Variants in HPSE2 observed in about 807,000 individuals in gnomAD.
HPSE2 encodes heparanase 2 (inactive), also known as inactive heparanase-2.
HPSE2 carries 38 observed loss-of-function variants against 60.5 expected under a neutral mutation model. The ratio of observed to expected loss-of-function variants is 0.63; its 90% CI spans 0.48 to 0.82. HPSE2 has a LOEUF of 0.82. Ranked by LOEUF, HPSE2 falls within the 40% of genes least tolerant of loss-of-function variation. The pLI, the probability that HPSE2 is intolerant of heterozygous loss-of-function variation, is 0.00. For missense variants in HPSE2, 713 were observed against 740.4 expected (o/e 0.96, Z 0.43); for synonymous variants, 295 against 293.2 (o/e 1.01, Z -0.06).
At chr10:99,132,865 T>C (rs11189985) in intron 3 of HPSE2, among the ~76,000 whole-genome samples, 77,448 of 151,936 alleles carry the variant, frequency 0.51, 21,533 homozygotes, top group East Asian at 0.65. Flanking sequence ...ACCCCAATGG[T>C]GCCTGAAACG....
the HPSE2 span, among the ~76,000 whole-genome samples, chr10:99,303,999 T>G: frequency 6.6e-6 from 1 of 152,162 alleles, no homozygotes; most frequent in East Asian, 1.9e-4. Context: ...AGATTAGGCA[T>G]CCAGAGATTT....
At chr10:98,802,134 T>C (rs982224401) in intron 3 of HPSE2, among the ~76,000 whole-genome samples, 1 of 152,068 alleles carries the variant, frequency 6.6e-6, no homozygotes, top group African/African-American at 2.4e-5. Context: ...TATGCATATA[T>C]AGAGGAATAA....
Position 98,503,667 on chromosome 10 carries a change from T to C in HPSE2, c.1321-13471A>G, listed in dbSNP as rs574970043. 9.8e-5 allele frequency among the ~76,000 whole-genome samples: 15 copies of C among 152,334 alleles called. 1 individual carries two copies. The South Asian group carries it at 2.7e-3, about 27-fold the overall frequency. On this transcript the variant is annotated intron_variant, in intron 9 of 11. Coordinates refer to ENST00000370552, the MANE Select transcript of HPSE2 (RefSeq NM_021828.5). ...AAGAAACTGTGGTATATTTATACAA[T>C]GGAATGCTACTCAGCCATAAAAAGG...
intron 2 of HPSE2, among the ~76,000 whole-genome samples, chr10:99,213,059 G>A (rs1849002217): frequency 6.6e-6 from 1 of 152,122 alleles, no homozygotes; most frequent in African/African-American, 2.4e-5. Flanking sequence ...AAGGTAGAGT[G>A]AGAAATACCA....
intron 3 of HPSE2, among the ~76,000 whole-genome samples, chr10:98,789,780 G>C (rs1950617671): frequency 6.6e-6 from 1 of 152,032 alleles, no homozygotes; most frequent in African/African-American, 2.4e-5. Context: ...CCACAAATGG[G>C]GAAAAGAAGG....
chr10:99,036,692 C>T (rs7900854), intron 3 of HPSE2, among the ~76,000 whole-genome samples: 75,340 of 152,012 alleles, frequency 0.5, 20,933 homozygotes, highest in East Asian at 0.62. Flanking sequence ...TCCACAAATG[C>T]ATGCTTAAAT....
At chr10:98,614,791 G>T in intron 9 of HPSE2, 113 bp downstream of exon 9, 1 of 808,306 alleles carries the variant, frequency 1.2e-6, no homozygotes, top group Non-Finnish European at 2.2e-6. Flanking sequence ...TTCAATGAAT[G>T]AAATTAACTG....
chr10:98,959,358 G>GA (rs540992148), intron 3 of HPSE2, among the ~76,000 whole-genome samples: 1,437 of 77,090 alleles, frequency 0.019, 15 homozygotes, highest in South Asian at 0.033. Context: ...ACTATCTCTG[G>GA]AAAAAAAAAA....
At chr10:99,016,319 G>A (rs1957140565) in intron 3 of HPSE2, among the ~76,000 whole-genome samples, 1 of 152,018 alleles carries the variant, frequency 6.6e-6, no homozygotes, top group African/African-American at 2.4e-5. Context: ...TTTTTATCAG[G>A]TTTGTCGAAG....
At chr10:98,993,844 T>C (rs1394672683) in intron 3 of HPSE2, among the ~76,000 whole-genome samples, 1 of 152,206 alleles carries the variant, frequency 6.6e-6, no homozygotes, top group African/African-American at 2.4e-5. Context: ...TTTCATAATT[T>C]TGAAGTATAG....
At chr10:99,007,046 T>G (rs539862675) in intron 3 of HPSE2, among the ~76,000 whole-genome samples, 1 of 151,660 alleles carries the variant, frequency 6.6e-6, no homozygotes, top group East Asian at 2.0e-4. Context: ...TAGAGGCCAA[T>G]CTGGTGCTGG....
At chr10:98,764,035 C>T (rs894851330) in intron 3 of HPSE2, among the ~76,000 whole-genome samples, 3 of 152,040 alleles carry the variant, frequency 2.0e-5, no homozygotes, top group Non-Finnish European at 4.4e-5. Context: ...TGTAATACAT[C>T]AAACAACTAT....
chr10:98,915,152 T>A (rs1398088865), intron 3 of HPSE2, among the ~76,000 whole-genome samples: 4 of 141,306 alleles, frequency 2.8e-5, no homozygotes, highest in East Asian at 2.0e-4. Context: ...TAAATTTTCC[T>A]TTTTTTTTTT....
At chr10:98,820,366 A>G (rs17470570) in intron 3 of HPSE2, among the ~76,000 whole-genome samples, 6,486 of 152,274 alleles carry the variant, frequency 0.043, 197 homozygotes, top group Non-Finnish European at 0.07. Context: ...GATACATGAT[A>G]TAAAACCAAG....
At chr10:99,212,734 G>A (rs949504175) in intron 2 of HPSE2, among the ~76,000 whole-genome samples, 3 of 151,994 alleles carry the variant, frequency 2.0e-5, no homozygotes, top group South Asian at 2.1e-4. Flanking sequence ...TAATGACTAC[G>A]GTTAGTAACA....
chr10:98,559,220 G>T (rs996169629), intron 9 of HPSE2, among the ~76,000 whole-genome samples: 2 of 152,134 alleles, frequency 1.3e-5, no homozygotes, highest in Admixed American at 6.5e-5. Context: ...TAGAGATGGG[G>T]TTTCACCATG....
At chr10:98,498,468 C>A (rs1264843570) in intron 9 of HPSE2, among the ~76,000 whole-genome samples, 1 of 152,156 alleles carries the variant, frequency 6.6e-6, no homozygotes, top group East Asian at 1.9e-4. Flanking sequence ...CAAGGGAACA[C>A]CCCATGGGAC....
chr10:98,724,269 G>A (rs2134260126), intron 4 of HPSE2, among the ~76,000 whole-genome samples: 1 of 152,194 alleles, frequency 6.6e-6, no homozygotes, highest in African/African-American at 2.4e-5. Context: ...ATGTAGTTGA[G>A]CGGTTTTGAG....
intron 6 of HPSE2, among the ~76,000 whole-genome samples, chr10:98,671,010 C>T (rs771675461): frequency 1.3e-4 from 20 of 152,182 alleles, no homozygotes; most frequent in Non-Finnish European, 2.6e-4. Flanking sequence ...AGCATTTCCT[C>T]TGAGAATCGT....
Sources: allele counts gnomAD v4.1 joint callset (sites outside exome capture counted in the v4.1 genomes callset), GRCh38; gene constraint gnomAD v4.1.1; transcripts MANE v1.5; gene names NCBI Gene and HGNC (gene_info 2026-07-23, HGNC 2026-07-21).